The following PTPRD variants were observed in gnomAD, a reference collection of about 807,000 sequenced individuals.
The protein encoded by PTPRD is protein tyrosine phosphatase receptor type D.
Under a neutral mutation model 214.5 loss-of-function variants are expected in PTPRD, and 34 were observed. The observed-to-expected ratio is 0.16, with a 90% confidence interval of 0.12 to 0.21. PTPRD has a LOEUF of 0.21. Among genes scored for constraint, PTPRD ranks in the 10% least tolerant of loss-of-function variants. The pLI, the probability that PTPRD is intolerant of heterozygous loss-of-function variation, is 1.00. For synonymous variants in PTPRD, 1,128 were observed against 845.7 expected, an observed-to-expected ratio of 1.33 and a Z score of -5.79; for missense variants, 2,545 against 2,398.7, an observed-to-expected ratio of 1.06 and a Z score of -1.27.
intron 7 of PTPRD, among the ~76,000 whole-genome samples, chr9:9,693,844 C>T (rs184453660): frequency 6.6e-6 from 1 of 152,170 alleles, no homozygotes; most frequent in South Asian, 2.1e-4. Context: ...AGGCTCACTC[C>T]TTTTTTATCA....
At chr9:9,271,236 T>C (rs1942783610) in intron 9 of PTPRD, among the ~76,000 whole-genome samples, 1 of 151,272 alleles carries the variant, frequency 6.6e-6, no homozygotes, top group South Asian at 2.1e-4. Context: ...TTCAAAACTA[T>C]TACAAAGCAT....
intron 2 of PTPRD, among the ~76,000 whole-genome samples, chr9:10,380,004 G>C (rs1448809771): frequency 6.6e-6 from 1 of 151,958 alleles, no homozygotes; most frequent in African/African-American, 2.4e-5. Flanking sequence ...CAGGCTAGCA[G>C]GCTAGAATGC....
chr9:8,708,704 A>AC (rs60136458), intron 12 of PTPRD, among the ~76,000 whole-genome samples: 43,651 of 118,500 alleles, frequency 0.37, 11,403 homozygotes, highest in Non-Finnish European at 0.52. Flanking sequence ...AAAAAAAAAA[A>AC]CAGAGCTACC....
chr9:9,071,072 C>T (rs1027831571), intron 10 of PTPRD, among the ~76,000 whole-genome samples: 1 of 152,136 alleles, frequency 6.6e-6, no homozygotes, highest in African/African-American at 2.4e-5. Flanking sequence ...CACCACCATA[C>T]CCAGCTAATC....
In PTPRD at chr9:8,517,860, T is replaced by C; in HGVS notation, c.1531A>G (p.Thr511Ala). 1.2e-6 allele frequency: 2 copies of C among 1,613,114 alleles called. No homozygotes were observed. Among genetic ancestry groups the C allele is most frequent in the Non-Finnish European group, 1.7e-6 (2 of 1,179,398 alleles). The change falls in exon 21 of 46, where the codon ACT (threonine) becomes GCT (alanine). Residue 511 changes from threonine (T) to alanine (A), a missense_variant. By Grantham distance (58) the Thr-to-Ala change is moderately conservative (BLOSUM62 0). Transcript: ENST00000381196. ...GPLSSDIQVI[T>A]QTGVPGQPLN... ...CAACCAAACTTACCTCCTGTCTGAGTGATGACTTGTATGTCACTTGAAAGG... is the reference window on the plus strand; with the variant it reads ...CAACCAAACTTACCTCCTGTCTGAGCGATGACTTGTATGTCACTTGAAAGG...
At chr9:8,777,482 A>G (rs1414394243) in intron 11 of PTPRD, among the ~76,000 whole-genome samples, 3 of 152,190 alleles carry the variant, frequency 2.0e-5, no homozygotes, top group Non-Finnish European at 4.4e-5. Flanking sequence ...TATAAAGACA[A>G]TTTTGTGGAT....
chr9:10,231,468 T>A (rs772280395), intron 3 of PTPRD, among the ~76,000 whole-genome samples: 8 of 151,972 alleles, frequency 5.3e-5, no homozygotes, highest in Non-Finnish European at 1.2e-4. Flanking sequence ...GGTAAATTTA[T>A]GGAAATTATT....
At chr9:10,282,569 A>C (rs1020505170) in intron 3 of PTPRD, among the ~76,000 whole-genome samples, 2 of 152,150 alleles carry the variant, frequency 1.3e-5, no homozygotes, top group African/African-American at 4.8e-5. Flanking sequence ...GTAGCAGATA[A>C]ATTACCCTAA....
At chr9:9,057,648 T>A (rs2099698838) in intron 10 of PTPRD, among the ~76,000 whole-genome samples, 1 of 152,138 alleles carries the variant, frequency 6.6e-6, no homozygotes, top group South Asian at 2.1e-4. Flanking sequence ...TACATCCACA[T>A]AAATAAGATA....
chr9:8,515,563 G>C (rs1034287921), intron 21 of PTPRD, among the ~76,000 whole-genome samples: 1 of 152,138 alleles, frequency 6.6e-6, no homozygotes, highest in Non-Finnish European at 1.5e-5. Flanking sequence ...CCCCAAGTCC[G>C]TTATGACTGT....
rs572007044 is a variant in PTPRD at position 8,563,993 on chromosome 9, G to A, written c.353-35214C>T. 5.3e-5 allele frequency among the ~76,000 whole-genome samples: 8 copies of A among 152,192 alleles called. No individual in the cohort carries two copies. In the East Asian group the frequency reaches 7.7e-4, roughly 15 times the overall value. On this transcript the variant is annotated intron_variant, in intron 14 of 45. Transcript: ENST00000381196. The stretch of plus-strand genomic sequence containing the variant: ...GGCATACAATTTTCAAACTTTAGAC[G>A]GTGCGAAAGCAATACATATTGAGTA...
At chr9:9,315,135 C>A (rs1226168580) in intron 9 of PTPRD, among the ~76,000 whole-genome samples, 1 of 151,848 alleles carries the variant, frequency 6.6e-6, no homozygotes, top group Admixed American at 6.6e-5. Flanking sequence ...AACATATTTC[C>A]CCTTTCTTCT....
chr9:9,457,836 G>T (rs1314195738), intron 8 of PTPRD, among the ~76,000 whole-genome samples: 1 of 151,898 alleles, frequency 6.6e-6, no homozygotes, highest in Non-Finnish European at 1.5e-5. Flanking sequence ...CTTTACCCCA[G>T]GGCATTTTTT....
intron 14 of PTPRD, among the ~76,000 whole-genome samples, chr9:8,585,702 T>C (rs940552649): frequency 2.4e-4 from 36 of 152,348 alleles, no homozygotes; most frequent in African/African-American, 3.8e-4. Flanking sequence ...ACTATATGAA[T>C]GTCTGCCATG....
chr9:10,100,066 A>C (rs1195356483), intron 3 of PTPRD, among the ~76,000 whole-genome samples: 2 of 151,666 alleles, frequency 1.3e-5, no homozygotes, highest in African/African-American at 4.8e-5. Context: ...CTTAATGAGT[A>C]ACATTATTAA....
At chr9:9,682,777 T>C (rs1046946569) in intron 7 of PTPRD, among the ~76,000 whole-genome samples, 1 of 151,774 alleles carries the variant, frequency 6.6e-6, no homozygotes, top group African/African-American at 2.4e-5. Flanking sequence ...GAAAGTCTGC[T>C]ACCAGCACAT....
At chr9:8,485,456 C>T (rs983751350) in intron 28 of PTPRD, 132 bp from the exon 29 acceptor site, 10 of 672,148 alleles carry the variant, frequency 1.5e-5, no homozygotes, top group Admixed American at 2.8e-5. Flanking sequence ...GATTTTCCTA[C>T]CTGTTTAGAG....
At chr9:10,437,158 A>G (rs2098724372) in intron 2 of PTPRD, among the ~76,000 whole-genome samples, 1 of 151,852 alleles carries the variant, frequency 6.6e-6, no homozygotes, top group Non-Finnish European at 1.5e-5. Flanking sequence ...TGTCATCATT[A>G]GTGATCCTCA....
chr9:10,440,628 T>A (rs1022738527), intron 2 of PTPRD, among the ~76,000 whole-genome samples: 1 of 151,748 alleles, frequency 6.6e-6, no homozygotes, highest in Non-Finnish European at 1.5e-5. Flanking sequence ...GTAAACGTGT[T>A]AATGGTAAAT....
Sources: allele counts gnomAD v4.1 joint callset (sites outside exome capture counted in the v4.1 genomes callset), GRCh38; gene constraint gnomAD v4.1.1; transcripts MANE v1.5; gene names NCBI Gene and HGNC (gene_info 2026-07-23, HGNC 2026-07-21).